The following PHKB variants were observed in gnomAD, a reference collection of about 807,000 sequenced individuals.
PHKB encodes phosphorylase kinase regulatory subunit beta.
PHKB carries 122 observed loss-of-function variants against 152.1 expected under a neutral mutation model. That is an observed-to-expected ratio of 0.80 (90% CI 0.69 to 0.93). The LOEUF is 0.93. Ranked by LOEUF, PHKB falls within the 40% of genes least tolerant of loss-of-function variation. The pLI, the probability that PHKB is intolerant of heterozygous loss-of-function variation, is 0.00. For synonymous variants in PHKB, 436 were observed against 464.9 expected (o/e 0.94, Z 0.80); for missense variants, 1,304 against 1,328.4 (o/e 0.98, Z 0.29).
chr16:47,580,439 T>C (rs1304768917), intron 8 of PHKB, 81 bp downstream of exon 8: 9 of 1,029,528 alleles, frequency 8.7e-6, no homozygotes, highest in African/African-American at 1.6e-5. Context: ...CAAAGTCATT[T>C]CCTTATAATC....
At chr16:47,606,815 G>T (rs984224444) in intron 13 of PHKB, among the ~76,000 whole-genome samples, 2 of 152,168 alleles carry the variant, frequency 1.3e-5, no homozygotes, top group African/African-American at 4.8e-5. Context: ...TATCCTTCAA[G>T]TGTGTTACAG....
In PHKB at chr16:47,648,543, A is replaced by T; in HGVS notation, c.1619A>T (p.Gln540Leu). The T allele has an allele frequency of 2.5e-6, 4 of 1,611,916 alleles. No individual in the cohort carries two copies. The highest frequency in any genetic ancestry group is 3.4e-6 in the Non-Finnish European group (4 of 1,178,068). Residue 540 changes from glutamine (Q) to leucine (L), a missense_variant, in exon 17 of 31, where the codon CAG (glutamine) becomes CTG (leucine). By Grantham distance (113) the Gln-to-Leu change is moderately radical (BLOSUM62 -2). Coordinates refer to ENST00000323584, the MANE Select transcript of PHKB (RefSeq NM_000293.3). ...PQQELVKAYL[Q>L]LGINEKLGLS... ...ACTTGTGTCTTACAGGCTTATTTGCAGCTGGGTATCAATGAAAAGTTAGGA... is the reference window on the plus strand; with the variant it reads ...ACTTGTGTCTTACAGGCTTATTTGCTGCTGGGTATCAATGAAAAGTTAGGA...
At chr16:47,472,099 A>G (rs1166637762) in intron 1 of PHKB, among the ~76,000 whole-genome samples, 2 of 152,208 alleles carry the variant, frequency 1.3e-5, no homozygotes, top group African/African-American at 4.8e-5. Flanking sequence ...GTGTGTATAT[A>G]TAGTAAAATC....
chr16:47,523,890 A>G (rs1464986866), intron 6 of PHKB, among the ~76,000 whole-genome samples: 1 of 152,174 alleles, frequency 6.6e-6, no homozygotes, highest in East Asian at 1.9e-4. Context: ...GTTTACTAAG[A>G]TGGTGATTTG....
rs1310142091 is a variant in PHKB at position 47,649,315 on chromosome 16, T to C, written c.1797+111T>C. On this transcript the variant is annotated intron_variant, in intron 18 of 30. Transcript: ENST00000323584. ...TATCTGTGACACTGGGTTAACACAG[T>C]GTAAAGCATGACAGTAAAACCACCT... 5.4e-6 allele frequency: 4 copies of C among 747,196 alleles called. No individual in the cohort carries two copies. The East Asian group carries it at 7.6e-5, about 14-fold the overall frequency. The allele number at this position is 747,196 out of a possible 1,614,324, so 46.3% of individuals were successfully genotyped here.
chr16:47,696,236 A>T (rs1974144554), intron 28 of PHKB, 145 bp from the exon 29 acceptor site: 2 of 690,412 alleles, frequency 2.9e-6, no homozygotes, highest in Admixed American at 4.2e-5. Context: ...TTTGACATAT[A>T]TAAAATCCAG....
chr16:47,566,628 A>G, intron 7 of PHKB: 2 of 1,168,444 alleles, frequency 1.7e-6, no homozygotes, highest in Non-Finnish European at 2.6e-6. Flanking sequence ...CAATTTGGGA[A>G]GATGGCTCCA....
At chr16:47,655,173 TTAAAA>T (rs1305102357) in intron 20 of PHKB, among the ~76,000 whole-genome samples, 2 of 152,140 alleles carry the variant, frequency 1.3e-5, no homozygotes, top group Admixed American at 6.5e-5. Context: ...ACACAGGAAC[TTAAAA>T]TAATATGTAA....
At chr16:47,486,625 C>G (rs1970053966) in intron 1 of PHKB, among the ~76,000 whole-genome samples, 2 of 152,150 alleles carry the variant, frequency 1.3e-5, no homozygotes, top group Admixed American at 1.3e-4. Context: ...TCTCCCATGC[C>G]TACCCCGTCT....
chr16:47,467,147 T>C (rs1409107007), intron 1 of PHKB, among the ~76,000 whole-genome samples: 1 of 152,214 alleles, frequency 6.6e-6, no homozygotes, highest in Non-Finnish European at 1.5e-5. Flanking sequence ...AAAATATGTG[T>C]CTTTTACAAT....
chr16:47,663,341 T>G (rs1973476439), intron 23 of PHKB, among the ~76,000 whole-genome samples: 1 of 152,220 alleles, frequency 6.6e-6, no homozygotes, highest in Non-Finnish European at 1.5e-5. Flanking sequence ...AATTGCTAAT[T>G]ATTTTACTAT....
chr16:47,489,929 T>C (rs1970118368), intron 1 of PHKB, among the ~76,000 whole-genome samples: 1 of 152,174 alleles, frequency 6.6e-6, no homozygotes. Flanking sequence ...AGTTTCCAGG[T>C]TCATGAGGAA....
chr16:47,521,217 A>G (rs1970679913), intron 6 of PHKB, among the ~76,000 whole-genome samples: 1 of 152,192 alleles, frequency 6.6e-6, no homozygotes, highest in Non-Finnish European at 1.5e-5. Flanking sequence ...CTTCATATCC[A>G]ATATGGATAG....
chr16:47,699,868 A>G lies in PHKB; in HGVS notation c.*502A>G, dbSNP rs1974217702. On this transcript the variant is annotated 3_prime_UTR_variant, in exon 31 of 31. Coordinates refer to ENST00000323584, the MANE Select transcript of PHKB (RefSeq NM_000293.3). The stretch of plus-strand genomic sequence containing the variant: ...CAGCCAGCTGATATTTTGGTTCTCA[A>G]AAACTGCATTATTAATAATATTTTA... The G allele has an allele frequency of 5.5e-6, 1 of 181,760 alleles. No individual in the cohort carries two copies. Among genetic ancestry groups the G allele is most frequent in the African/African-American group, 2.4e-5 (1 of 42,180 alleles). 11.3% of individuals were successfully genotyped at this position (181,760 alleles called of 1,614,324 possible). A position where few individuals can be genotyped will look rare whatever the true frequency, so the allele number is the denominator to read the frequency against.
intron 26 of PHKB, among the ~76,000 whole-genome samples, chr16:47,680,191 G>C (rs532347057): frequency 1.3e-5 from 2 of 152,020 alleles, no homozygotes; most frequent in Admixed American, 6.6e-5. Flanking sequence ...TTGAGGGTTT[G>C]TGCATCAATG....
At chr16:47,537,478 C>G (rs1330661891) in intron 6 of PHKB, among the ~76,000 whole-genome samples, 1 of 152,178 alleles carries the variant, frequency 6.6e-6, no homozygotes, top group African/African-American at 2.4e-5. Flanking sequence ...GAATCTCCTG[C>G]TTTTGTTTGT....
intron 29 of PHKB, among the ~76,000 whole-genome samples, chr16:47,697,819 G>A (rs1250286598): frequency 6.6e-6 from 1 of 152,234 alleles, no homozygotes; most frequent in African/African-American, 2.4e-5. Context: ...TAGGATAGGT[G>A]TATGTGATGG....
chr16:47,544,607 A>G (rs533652682), intron 6 of PHKB, among the ~76,000 whole-genome samples: 4 of 152,192 alleles, frequency 2.6e-5, no homozygotes, highest in South Asian at 2.1e-4. Flanking sequence ...ATTACATGCA[A>G]TTGTTCCAGA....
intron 25 of PHKB, among the ~76,000 whole-genome samples, chr16:47,668,592 A>G (rs1221924577): frequency 1.3e-5 from 2 of 152,090 alleles, no homozygotes; most frequent in East Asian, 3.9e-4. Context: ...TTTTTTGGCC[A>G]TTTCACTCTA....
Sources: gnomAD v4.1 joint callset for allele counts (sites outside exome capture counted in the v4.1 genomes callset) on GRCh38, gnomAD v4.1.1 for gene constraint, MANE v1.5 for transcripts, NCBI Gene and HGNC (gene_info 2026-07-23, HGNC 2026-07-21) for gene names.